The following PRKCB variants were observed in gnomAD, a reference collection of about 807,000 sequenced individuals.
PRKCB encodes the protein protein kinase C beta type.
A neutral mutation model predicts 81.5 loss-of-function variants in PRKCB; 13 were observed. That is an observed-to-expected ratio of 0.16 (90% CI 0.10 to 0.25). PRKCB has a LOEUF of 0.25. Ranked by LOEUF, PRKCB falls within the 10% of genes least tolerant of loss-of-function variation. PRKCB has a pLI of 1.00. For synonymous variants in PRKCB, 335 were observed against 321.4 expected, an observed-to-expected ratio of 1.04 and a Z score of -0.45; for missense variants, 509 against 875.7, an observed-to-expected ratio of 0.58 and a Z score of 5.29.
chr16:23,996,223 C>A (rs968329286), intron 3 of PRKCB, among the ~76,000 whole-genome samples: 1 of 152,168 alleles, frequency 6.6e-6, no homozygotes, highest in African/African-American at 2.4e-5. Context: ...AGGGTGACCT[C>A]AGCAGAGGAG....
chr16:23,896,978 A>G (rs965972808), intron 2 of PRKCB, among the ~76,000 whole-genome samples: 5 of 151,592 alleles, frequency 3.3e-5, no homozygotes, highest in Non-Finnish European at 5.9e-5. Context: ...CCACCCATCC[A>G]TCCATCCATT....
intron 2 of PRKCB, among the ~76,000 whole-genome samples, chr16:23,866,225 T>C (rs1287260976): frequency 2.6e-5 from 4 of 152,162 alleles, no homozygotes; most frequent in Non-Finnish European, 5.9e-5. Context: ...AGAGAAAACA[T>C]CAGGGGAGGT....
chr16:24,025,258 C>A (rs1965462208), intron 3 of PRKCB, among the ~76,000 whole-genome samples: 1 of 152,222 alleles, frequency 6.6e-6, no homozygotes, highest in African/African-American at 2.4e-5. Flanking sequence ...ACAGCTGTCA[C>A]AACAACCCAT....
chr16:24,067,518 T>C (rs1160951538), intron 5 of PRKCB, among the ~76,000 whole-genome samples: 1 of 152,176 alleles, frequency 6.6e-6, no homozygotes, highest in African/African-American at 2.4e-5. Flanking sequence ...AGGCTGGTCT[T>C]GAATTCCTGA....
At chr16:24,186,914 A>G (rs1394973055) in intron 15 of PRKCB, among the ~76,000 whole-genome samples, 1 of 152,198 alleles carries the variant, frequency 6.6e-6, no homozygotes, top group Non-Finnish European at 1.5e-5. Flanking sequence ...TTGCTTGAAA[A>G]TATTTTCTTT....
intron 2 of PRKCB, among the ~76,000 whole-genome samples, chr16:23,843,094 A>G (rs779383455): frequency 2.0e-5 from 3 of 152,234 alleles, no homozygotes; most frequent in Non-Finnish European, 2.9e-5. Context: ...TAACATGTGT[A>G]GATTAGCATA....
intron 10 of PRKCB, among the ~76,000 whole-genome samples, chr16:24,167,109 A>C (rs1292643716): frequency 1.3e-5 from 2 of 151,744 alleles, no homozygotes; most frequent in Admixed American, 1.3e-4. Context: ...ACGTGCAGCA[A>C]AGACAGATGC....
chr16:24,001,619 T>C (rs1965035422), intron 3 of PRKCB, among the ~76,000 whole-genome samples: 4 of 152,218 alleles, frequency 2.6e-5, no homozygotes, highest in South Asian at 4.1e-4. Context: ...AAAACCAGAA[T>C]AGGCAAATAA....
chr16:24,215,057 T>G lies in PRKCB; in HGVS notation c.*241T>G. 1 of 1,261,108 alleles carries G rather than the reference T, an allele frequency of 7.9e-7. No homozygotes were observed. The highest frequency in any genetic ancestry group is 1.0e-6 in the Non-Finnish European group (1 of 997,624). 78.1% of individuals were successfully genotyped at this position (1,261,108 alleles called of 1,614,324 possible). ...AATTAACACATTATCAAAGTCCTCT[T>G]ACAATTTATTTTCCGCAGCATGTCA... is the stretch of plus-strand genomic sequence containing the variant. On this transcript the variant is annotated 3_prime_UTR_variant, in exon 17 of 17. Coordinates refer to ENST00000643927, the MANE Select transcript of PRKCB (RefSeq NM_002738.7).
intron 2 of PRKCB, among the ~76,000 whole-genome samples, chr16:23,937,640 A>G (rs1328750340): frequency 6.6e-6 from 1 of 152,202 alleles, no homozygotes; most frequent in Non-Finnish European, 1.5e-5. Context: ...CAACACCTCC[A>G]ACAAGATGGA....
At chr16:24,134,867 C>T (rs915673490) in intron 9 of PRKCB, among the ~76,000 whole-genome samples, 2 of 151,620 alleles carry the variant, frequency 1.3e-5, no homozygotes, top group African/African-American at 4.8e-5. Context: ...GCTATGATTA[C>T]ACCATTGCAC....
chr16:23,878,963 G>A (rs150721353), intron 2 of PRKCB, among the ~76,000 whole-genome samples: 23 of 152,180 alleles, frequency 1.5e-4, no homozygotes, highest in African/African-American at 3.4e-4. Context: ...ATTACTTGAG[G>A]TTAGGAGTTC....
At chr16:24,025,891 G>A (rs575230330) in intron 3 of PRKCB, among the ~76,000 whole-genome samples, 2 of 152,148 alleles carry the variant, frequency 1.3e-5, no homozygotes, top group Non-Finnish European at 2.9e-5. Context: ...TCTGTAGTTA[G>A]GATCTGTTTC....
At chr16:24,194,107 A>C (rs565328508) in intron 16 of PRKCB, among the ~76,000 whole-genome samples, 22 of 152,194 alleles carry the variant, frequency 1.4e-4, no homozygotes, top group African/African-American at 4.8e-4. Context: ...CGGGCAGATC[A>C]CCTGAGGTCA....
intron 10 of PRKCB, among the ~76,000 whole-genome samples, chr16:24,156,024 C>T (rs927625193): frequency 2.7e-4 from 41 of 152,060 alleles, no homozygotes; most frequent in Admixed American, 2.0e-3. Flanking sequence ...AAGTTGGCAG[C>T]GACTGATGGT....
intron 9 of PRKCB, among the ~76,000 whole-genome samples, chr16:24,124,848 G>T (rs895375109): frequency 6.6e-6 from 1 of 152,154 alleles, no homozygotes; most frequent in African/African-American, 2.4e-5. Flanking sequence ...TATTCCCACT[G>T]TTCCTGGCCA....
chr16:24,021,212 T>C, intron 3 of PRKCB, among the ~76,000 whole-genome samples: 1 of 23,246 alleles, frequency 4.3e-5, no homozygotes, highest in Non-Finnish European at 7.8e-5. Flanking sequence ...CTTTCTTTCT[T>C]TCTTTCTTTC....
chr16:23,937,153 C>T, intron 2 of PRKCB, among the ~76,000 whole-genome samples: 1 of 152,144 alleles, frequency 6.6e-6, no homozygotes, highest in East Asian at 1.9e-4. Flanking sequence ...CTTGAATGAC[C>T]TGCAGGCACC....
chr16:23,967,401 T>A (rs548190943), intron 2 of PRKCB, among the ~76,000 whole-genome samples: 1 of 152,194 alleles, frequency 6.6e-6, no homozygotes, highest in Non-Finnish European at 1.5e-5. Context: ...AGAAAATGCA[T>A]TGGGTCAGGA....
Sources: allele counts gnomAD v4.1 joint callset (sites outside exome capture counted in the v4.1 genomes callset), GRCh38; gene constraint gnomAD v4.1.1; transcripts MANE v1.5; gene names NCBI Gene and HGNC (gene_info 2026-07-23, HGNC 2026-07-21).